Variants in ATP8B1 observed in about 807,000 individuals in gnomAD.
The protein encoded by ATP8B1 is ATPase phospholipid transporting 8B1.
In ATP8B1, 80 loss-of-function variants were observed where a neutral mutation model predicts 149.9. That is an observed-to-expected ratio of 0.53 (90% confidence interval 0.45 to 0.64). ATP8B1 has a LOEUF of 0.64. Ranked by LOEUF, ATP8B1 falls within the 30% of genes least tolerant of loss-of-function variation. The pLI is 0.00. For synonymous variants in ATP8B1, 536 were observed against 562.8 expected, an observed-to-expected ratio of 0.95 and a Z score of 0.67; for missense variants, 1,247 against 1,552.6, an observed-to-expected ratio of 0.80 and a Z score of 3.31.
chr18:57,776,567 A>C (rs1421705027), intron 1 of ATP8B1, among the ~76,000 whole-genome samples: 2 of 152,186 alleles, frequency 1.3e-5, no homozygotes, highest in African/African-American at 4.8e-5. Flanking sequence ...AGGTGAGAGA[A>C]AGGAGGGGAA....
intron 1 of ATP8B1, among the ~76,000 whole-genome samples, chr18:57,743,357 C>T: frequency 6.6e-6 from 1 of 152,160 alleles, no homozygotes; most frequent in East Asian, 1.9e-4. Flanking sequence ...TTCCCCACAC[C>T]TACTAACAAC....
At chr18:57,694,765 T>C (rs1912718040) in intron 10 of ATP8B1, 95 bp from the exon 11 acceptor site, 1 of 904,498 alleles carries the variant, frequency 1.1e-6, no homozygotes. Context: ...CATGGTGGCT[T>C]ACGCCTGTAA....
chr18:57,722,341 A>G (rs1259084616), intron 2 of ATP8B1, among the ~76,000 whole-genome samples: 1 of 150,222 alleles, frequency 6.7e-6, no homozygotes, highest in South Asian at 2.1e-4. Flanking sequence ...CAAAATTGAT[A>G]GACCGCTAGC....
At chr18:57,672,930 ATAAC>A (rs1289828091) in intron 16 of ATP8B1, among the ~76,000 whole-genome samples, 5 of 30,716 alleles carry the variant, frequency 1.6e-4, no homozygotes, top group Non-Finnish European at 2.8e-4. Context: ...ATATATATAT[ATAAC>A]ATGTATATAC....
rs1396202291 is a variant in ATP8B1, at chr18:57,757,315, T to C, written c.-25-25483A>G. Reference sequence around the variant, plus strand: ...TCCATACCTTGTGACAATAACAAGATGTTCCAGGCTCAAGTTGTACCTCTC... The same window carrying C: ...TCCATACCTTGTGACAATAACAAGACGTTCCAGGCTCAAGTTGTACCTCTC... On this transcript the variant is annotated intron_variant, in intron 1 of 27. Coordinates refer to ENST00000648908, the MANE Select transcript of ATP8B1 (RefSeq NM_001374385.1). Among the ~76,000 whole-genome samples, 5 of 152,304 alleles carry C rather than the reference T, an allele frequency of 3.3e-5. No individual in the cohort carries two copies. In the East Asian group the frequency reaches 7.7e-4, roughly 24 times the overall value.
intron 2 of ATP8B1, among the ~76,000 whole-genome samples, chr18:57,725,332 A>G (rs1599158826): frequency 6.6e-6 from 1 of 152,202 alleles, no homozygotes; most frequent in Non-Finnish European, 1.5e-5. Flanking sequence ...AAAGAAGTAA[A>G]AGATCTCTGC....
intron 22 of ATP8B1, among the ~76,000 whole-genome samples, chr18:57,656,787 A>G (rs1199072231): frequency 7.7e-6 from 1 of 129,604 alleles, no homozygotes; most frequent in African/African-American, 2.9e-5. Flanking sequence ...GGGGGAGAGA[A>G]GAGTGGGGAG....
chr18:57,698,407 G>A (rs1021717309), intron 6 of ATP8B1, among the ~76,000 whole-genome samples: 10 of 151,910 alleles, frequency 6.6e-5, no homozygotes, highest in Admixed American at 1.3e-4. Flanking sequence ...GCAGTGGCAC[G>A]ATCTCAGCTC....
chr18:57,728,829 C>T (rs1254342820), intron 2 of ATP8B1, among the ~76,000 whole-genome samples: 1 of 150,912 alleles, frequency 6.6e-6, no homozygotes, highest in African/African-American at 2.4e-5. Flanking sequence ...AAGCGATTCT[C>T]CTGCCTCAGC....
chr18:57,732,237 A>G (rs200638409), intron 1 of ATP8B1, among the ~76,000 whole-genome samples: 1,779 of 10,734 alleles, frequency 0.17, 46 homozygotes, highest in East Asian at 0.38. Flanking sequence ...ATATATGTGT[A>G]TATATATGTA....
At chr18:57,729,113 C>A (rs886877263) in intron 2 of ATP8B1, among the ~76,000 whole-genome samples, 3 of 152,130 alleles carry the variant, frequency 2.0e-5, no homozygotes, top group South Asian at 2.1e-4. Context: ...ATCCTAACCA[C>A]CAGAATGGGC....
chr18:57,695,395 G>T, intron 9 of ATP8B1, 55 bp downstream of exon 9: 1 of 1,589,148 alleles, frequency 6.3e-7, no homozygotes, highest in South Asian at 1.1e-5. Context: ...TAATCAATAG[G>T]AATTGAACCA....
chr18:57,695,947 T>A (rs531357956), intron 8 of ATP8B1, among the ~76,000 whole-genome samples: 1 of 152,312 alleles, frequency 6.6e-6, no homozygotes, highest in South Asian at 2.1e-4. Flanking sequence ...TTTTCCAGAG[T>A]GAATAACTGG....
At position 57,701,274 on chromosome 18, in the gene ATP8B1, G is replaced by C; in HGVS notation, c.433C>G (p.Leu145Val). 1 of 1,614,202 alleles carries C rather than the reference G, an allele frequency of 6.2e-7. No homozygotes were observed. Residue 145 changes from leucine to valine, a missense_variant, in exon 5 of 28, where the codon CTA (leucine) becomes GTA (valine). Around this residue, in one of 3 missense-constraint regions of ATP8B1, gnomAD observed 853 missense variants for 1,035.7 expected, o/e 0.82. Transcript: ENST00000648908. ...CCCAGCACCACAAGCAGGGGCACTA[G>C]TGTGGTGTACCAAGCCAGGGTAGAG... ...QISTLAWYTT[L>V]VPLLVVLGVT...
chr18:57,725,010 CA>C (rs2079691950), intron 2 of ATP8B1, among the ~76,000 whole-genome samples: 1 of 113,774 alleles, frequency 8.8e-6, no homozygotes, highest in African/African-American at 3.5e-5. Flanking sequence ...AACAAAAAAC[CA>C]AACACCGCAT....
intron 1 of ATP8B1, among the ~76,000 whole-genome samples, chr18:57,758,114 C>T (rs928128372): frequency 9.9e-5 from 15 of 152,130 alleles, no homozygotes; most frequent in Non-Finnish European, 2.2e-4. Flanking sequence ...CCACCTCAGT[C>T]TCCCGAAGTG....
chr18:57,688,912 A>T (rs57700592), intron 12 of ATP8B1, among the ~76,000 whole-genome samples: 3 of 152,112 alleles, frequency 2.0e-5, no homozygotes, highest in Non-Finnish European at 4.4e-5. Flanking sequence ...TCTGAGCAAT[A>T]AATTTCGAAG....
chr18:57,780,480 C>T (rs1415958502), intron 1 of ATP8B1, among the ~76,000 whole-genome samples: 3 of 152,102 alleles, frequency 2.0e-5, no homozygotes, highest in African/African-American at 7.2e-5. Context: ...GGGCTGGTTT[C>T]CAATTCAGGC....
intron 1 of ATP8B1, among the ~76,000 whole-genome samples, chr18:57,796,353 G>T (rs1353333847): frequency 6.6e-6 from 1 of 152,094 alleles, no homozygotes; most frequent in Non-Finnish European, 1.5e-5. Context: ...TGTAACAAAA[G>T]TTCTGGAGGT....
Sources: allele counts gnomAD v4.1 joint callset (sites outside exome capture counted in the v4.1 genomes callset), GRCh38; gene constraint gnomAD v4.1.1; regional missense constraint gnomAD v4.1.1; transcripts MANE v1.5; gene names NCBI Gene and HGNC (gene_info 2026-07-23, HGNC 2026-07-21).